Variants in GPC5 observed in about 807,000 individuals in gnomAD.
The protein encoded by GPC5 is glypican-5.
A neutral mutation model predicts 53.9 loss-of-function variants in GPC5; 47 were observed. That is an observed-to-expected ratio of 0.87 (90% CI 0.69 to 1.11). The LOEUF is 1.11. GPC5 is among the 50% of genes most tolerant of loss of function. The probability of loss-of-function intolerance (pLI) is 0.00; values close to 1 mark genes in which losing one functional copy is unlikely to be tolerated. For synonymous variants in GPC5, 286 were observed against 263.3 expected (o/e 1.09, Z -0.84); for missense variants, 748 against 713.1 (o/e 1.05, Z -0.56).
chr13:92,367,333 C>G (rs971379822), intron 7 of GPC5, among the ~76,000 whole-genome samples: 2 of 152,106 alleles, frequency 1.3e-5, no homozygotes, highest in African/African-American at 4.8e-5. Flanking sequence ...AAGCATGATG[C>G]TTTCCTTTAG....
chr13:91,863,033 T>G (rs1004717705), intron 5 of GPC5, among the ~76,000 whole-genome samples: 8 of 144,588 alleles, frequency 5.5e-5, no homozygotes, highest in Non-Finnish European at 1.1e-4. Context: ...CACCCCTTCT[T>G]TCTCCTTCCC....
intron 7 of GPC5, among the ~76,000 whole-genome samples, chr13:92,370,939 A>G (rs538754706): frequency 2.6e-5 from 4 of 152,242 alleles, no homozygotes; most frequent in African/African-American, 9.6e-5. Flanking sequence ...ACCTGAGGTC[A>G]GGAGTTCGAG....
intron 7 of GPC5, among the ~76,000 whole-genome samples, chr13:92,449,839 T>C (rs1336448573): frequency 1.3e-5 from 2 of 152,156 alleles, no homozygotes; most frequent in Non-Finnish European, 2.9e-5. Flanking sequence ...TTCATACTGT[T>C]ATTACCAGAA....
intron 2 of GPC5, among the ~76,000 whole-genome samples, chr13:91,564,993 T>G (rs9515940): frequency 9.9e-4 from 117 of 118,004 alleles, no homozygotes; most frequent in South Asian, 2.9e-3. Flanking sequence ...GGCTTTTTTT[T>G]GGGGGGGGGT....
At chr13:92,652,120 GT>G (rs900956718) in intron 7 of GPC5, among the ~76,000 whole-genome samples, 36 of 151,964 alleles carry the variant, frequency 2.4e-4, no homozygotes, top group African/African-American at 8.5e-4. Context: ...TGGGCATAGG[GT>G]TTTTTTCTAT....
chr13:91,671,780 C>CAAAAAAAAAAAAAAAAAAA (rs55758033), intron 2 of GPC5, among the ~76,000 whole-genome samples: 15 of 33,126 alleles, frequency 4.5e-4, no homozygotes, highest in Non-Finnish European at 5.8e-4. Context: ...CAATCTGAAG[C>CAAAAAAAAAAAAAAAAAAA]AAAAAAAAAA....
intron 2 of GPC5, among the ~76,000 whole-genome samples, chr13:91,505,258 G>GTA (rs1884880132): frequency 1.3e-5 from 2 of 152,088 alleles, no homozygotes; most frequent in Admixed American, 1.3e-4. Flanking sequence ...AGTTAAAATA[G>GTA]TATAGCACAG....
chr13:92,256,269 T>C (rs1287260964), intron 7 of GPC5, among the ~76,000 whole-genome samples: 2 of 151,972 alleles, frequency 1.3e-5, no homozygotes, highest in Non-Finnish European at 2.9e-5. Flanking sequence ...TCCACGAATA[T>C]GGGACTATAT....
At chr13:91,604,005 G>A (rs1158586025) in intron 2 of GPC5, among the ~76,000 whole-genome samples, 1 of 149,186 alleles carries the variant, frequency 6.7e-6, no homozygotes, top group Non-Finnish European at 1.5e-5. Context: ...ACATTGTGCA[G>A]GTTAGTTACA....
intron 2 of GPC5, among the ~76,000 whole-genome samples, chr13:91,683,703 C>T (rs2035558919): frequency 1.3e-5 from 2 of 152,150 alleles, no homozygotes; most frequent in Admixed American, 1.3e-4. Flanking sequence ...CTATCAATGC[C>T]CTAGATCACA....
chr13:92,090,087 GT>G (rs1199635091), intron 6 of GPC5, among the ~76,000 whole-genome samples: 1 of 152,118 alleles, frequency 6.6e-6, no homozygotes. Context: ...AAGTACTGAT[GT>G]TTTTTCTAAA....
At chr13:92,217,152 AT>A (rs1233742591) in intron 7 of GPC5, among the ~76,000 whole-genome samples, 2 of 152,144 alleles carry the variant, frequency 1.3e-5, no homozygotes, top group Non-Finnish European at 2.9e-5. Context: ...TTTTTCAGGC[AT>A]GAACAGTGCA....
chr13:91,776,484 C>T (rs184447857), intron 5 of GPC5, among the ~76,000 whole-genome samples: 2 of 152,170 alleles, frequency 1.3e-5, no homozygotes, highest in Non-Finnish European at 1.5e-5. Context: ...CAGCTAAGTA[C>T]TTTGTATTAT....
chr13:92,328,274 A>G (rs1484225407), intron 7 of GPC5, among the ~76,000 whole-genome samples: 2 of 152,194 alleles, frequency 1.3e-5, no homozygotes, highest in Non-Finnish European at 2.9e-5. Context: ...CAAATGGAGT[A>G]TGGCAACAGA....
chr13:92,238,842 A>G (rs1004629212), intron 7 of GPC5, among the ~76,000 whole-genome samples: 2 of 151,908 alleles, frequency 1.3e-5, no homozygotes, highest in Non-Finnish European at 2.9e-5. Context: ...ATCCAAGGTC[A>G]TCAAGATTTA....
intron 7 of GPC5, among the ~76,000 whole-genome samples, chr13:92,544,612 T>A (rs1387061208): frequency 6.6e-6 from 1 of 152,180 alleles, no homozygotes; most frequent in Non-Finnish European, 1.5e-5. Flanking sequence ...GTGTCAAATA[T>A]TCCATGAAGC....
chr13:92,145,514 A>C (rs986443121), intron 7 of GPC5, among the ~76,000 whole-genome samples: 11 of 152,016 alleles, frequency 7.2e-5, no homozygotes, highest in Admixed American at 1.3e-4. Context: ...ATTGATTTTG[A>C]TTGTATGGAT....
intron 7 of GPC5, among the ~76,000 whole-genome samples, chr13:92,749,535 A>G (rs1889326440): frequency 6.6e-6 from 1 of 152,162 alleles, no homozygotes. Context: ...AAATGAATAT[A>G]TCATTTAAAT....
intron 7 of GPC5, among the ~76,000 whole-genome samples, chr13:92,586,117 G>A (rs1883530370): frequency 6.6e-6 from 1 of 152,180 alleles, no homozygotes; most frequent in Non-Finnish European, 1.5e-5. Context: ...GAAGACTGTA[G>A]TGACGGATTA....
Sources: allele counts gnomAD v4.1 joint callset (sites outside exome capture counted in the v4.1 genomes callset), GRCh38; gene constraint gnomAD v4.1.1; transcripts MANE v1.5; gene names NCBI Gene and HGNC (gene_info 2026-07-23, HGNC 2026-07-21).